Variants in COL18A1 observed in about 807,000 individuals in gnomAD.
COL18A1 encodes the protein collagen alpha-1(XVIII) chain.
COL18A1 carries 133 observed loss-of-function variants against 168.0 expected under a neutral mutation model. That is an observed-to-expected ratio of 0.79 (90% CI 0.69 to 0.91). COL18A1 has a LOEUF of 0.91. Among genes scored for constraint, COL18A1 ranks in the 40% least tolerant of loss-of-function variants. The pLI, the probability that COL18A1 is intolerant of heterozygous loss-of-function variation, is 0.00. For synonymous variants in COL18A1, 949 were observed against 809.0 expected, an observed-to-expected ratio of 1.17 and a Z score of -2.94; for missense variants, 2,126 against 1,925.4, an observed-to-expected ratio of 1.10 and a Z score of -1.95.
Position 45,511,175 on chromosome 21 carries a change from G to C in COL18A1, c.3758G>C (p.Gly1253Ala). ...FSGSEGPLKPGARIFSFDGKD... is the reference protein window; with the variant it reads ...FSGSEGPLKPAARIFSFDGKD... ...GGCTCTGAGGGTCCGCTGAAGCCCG[G>C]GGCACGCATCTTCTCCTTTGACGGC... The change falls in exon 41 of 42, where the codon GGG (glycine) becomes GCG (alanine). Residue 1253 changes from glycine to alanine, a missense_variant. Physicochemically the swap from Gly to Ala is moderately conservative, Grantham distance 60. Coordinates refer to ENST00000651438, the MANE Select transcript of COL18A1 (RefSeq NM_001379500.1). 6.2e-7 allele frequency: 1 copy of C among 1,601,662 alleles called. No individual in the cohort carries two copies. Among genetic ancestry groups the C allele is most frequent in the Non-Finnish European group, 8.5e-7 (1 of 1,174,166 alleles).
intron 2 of COL18A1, among the ~76,000 whole-genome samples, chr21:45,405,738 C>T (rs1206452046): frequency 7.3e-5 from 11 of 150,620 alleles, no homozygotes; most frequent in African/African-American, 2.7e-4. Context: ...ACCGAACCTC[C>T]GCGGCCGGCG....
chr21:45,504,864 A>C (rs2146078253), intron 34 of COL18A1, among the ~76,000 whole-genome samples: 1 of 152,146 alleles, frequency 6.6e-6, no homozygotes, highest in East Asian at 1.9e-4. Flanking sequence ...TCAGTCCTGA[A>C]AGACTCCAGA....
chr21:45,480,866 C>G lies in COL18A1; in HGVS notation c.1611+8C>G, dbSNP rs753583538. 3.1e-6 allele frequency: 5 copies of G among 1,608,912 alleles called. No individual in the cohort carries two copies. Reference sequence around the variant, plus strand: ...GGGTTTCCTGGCCTCCCGGTAAGTCCTGCCTCCACCGTCAGTGTCGGGAGC... The same window carrying G: ...GGGTTTCCTGGCCTCCCGGTAAGTCGTGCCTCCACCGTCAGTGTCGGGAGC... On this transcript the variant is annotated splice_region_variant and intron_variant, in intron 13 of 41. Coordinates refer to ENST00000651438, the MANE Select transcript of COL18A1 (RefSeq NM_001379500.1).
chr21:45,414,525 C>T lies in COL18A1; in HGVS notation c.106+9052C>T, dbSNP rs543624014. Among the ~76,000 whole-genome samples, 38 of 152,308 alleles carry T rather than the reference C, an allele frequency of 2.5e-4. No homozygotes were observed. In the South Asian group the frequency reaches 7.9e-3, roughly 32 times the overall value. ...TCCTGTCATCACAGGGGACGTCTGG[C>T]ATTTTAACAGACCTGGGCGGCCTCC... On this transcript the variant is annotated intron_variant, in intron 2 of 41. Coordinates refer to ENST00000651438, the MANE Select transcript of COL18A1 (RefSeq NM_001379500.1).
intron 12 of COL18A1, 61 bp from the exon 13 acceptor site, chr21:45,480,639 T>C: frequency 6.2e-7 from 1 of 1,611,010 alleles, no homozygotes. Flanking sequence ...GTTCTGGGGG[T>C]GGTGGTCATC....
chr21:45,477,118 C>T (rs2035703603), intron 6 of COL18A1, among the ~76,000 whole-genome samples: 1 of 152,154 alleles, frequency 6.6e-6, no homozygotes. Context: ...AGAAGGCATT[C>T]TGGGGGGCCA....
At chr21:45,414,069 C>T (rs924199608) in intron 2 of COL18A1, among the ~76,000 whole-genome samples, 4 of 152,172 alleles carry the variant, frequency 2.6e-5, no homozygotes, top group African/African-American at 4.8e-5. Context: ...GGAGGAGGAT[C>T]GGGAGGAGGA....
At chr21:45,431,782 C>T (rs538302299) in intron 2 of COL18A1, among the ~76,000 whole-genome samples, 6 of 152,212 alleles carry the variant, frequency 3.9e-5, no homozygotes, top group South Asian at 4.1e-4. Context: ...CAGGCCGTCG[C>T]GGACGGTCTA....
At chr21:45,506,221 C>A in intron 37 of COL18A1, 1 of 521,548 alleles carries the variant, frequency 1.9e-6, no homozygotes, top group East Asian at 3.5e-5. Context: ...TGGGTCATGT[C>A]ACAGTGAACG....
intron 2 of COL18A1, among the ~76,000 whole-genome samples, chr21:45,436,150 A>G (rs1023468120): frequency 2.6e-5 from 4 of 152,182 alleles, no homozygotes; most frequent in African/African-American, 7.2e-5. Flanking sequence ...TTGAAACCCT[A>G]CCTACAGGGC....
intron 32 of COL18A1, among the ~76,000 whole-genome samples, chr21:45,501,325 G>C (rs936798785): frequency 6.6e-6 from 1 of 152,048 alleles, no homozygotes; most frequent in Admixed American, 6.5e-5. Context: ...TCAGCCCAGG[G>C]AGATCTGAAC....
chr21:45,455,678 G>C, intron 2 of COL18A1: 1 of 1,613,864 alleles, frequency 6.2e-7, no homozygotes, highest in Non-Finnish European at 8.5e-7. Context: ...TGAGCCCCAG[G>C]GGCCCCTGCC....
intron 2 of COL18A1, among the ~76,000 whole-genome samples, chr21:45,459,054 TC>T (rs1332348812): frequency 6.6e-6 from 1 of 152,192 alleles, no homozygotes; most frequent in African/African-American, 2.4e-5. Flanking sequence ...GGAGGCCGTG[TC>T]CCGTGCAGGG....
chr21:45,504,581 A>T (rs902800431), intron 34 of COL18A1, 25 bp downstream of exon 34: 2 of 1,556,952 alleles, frequency 1.3e-6, no homozygotes, highest in Non-Finnish European at 1.7e-6. Context: ...GTGCAGGCAG[A>T]GCCCATGTCC....
At chr21:45,496,248 G>A (rs1402409602) in intron 29 of COL18A1, 1 of 689,806 alleles carries the variant, frequency 1.4e-6, no homozygotes, top group Non-Finnish European at 2.7e-6. Context: ...CTGAGACGCA[G>A]ACCCGGTGGC....
intron 2 of COL18A1, among the ~76,000 whole-genome samples, chr21:45,429,382 T>C (rs1231073474): frequency 6.6e-6 from 1 of 151,880 alleles, no homozygotes; most frequent in African/African-American, 2.4e-5. Context: ...CTGTCAGCGA[T>C]GGCTGCTGCA....
chr21:45,421,863 C>A (rs2033634511), intron 2 of COL18A1, among the ~76,000 whole-genome samples: 1 of 152,180 alleles, frequency 6.6e-6, no homozygotes, highest in African/African-American at 2.4e-5. Context: ...AGTTGCACCC[C>A]TCTGGAATTC....
intron 2 of COL18A1, among the ~76,000 whole-genome samples, chr21:45,460,782 T>C (rs571394319): frequency 3.9e-5 from 6 of 152,384 alleles, no homozygotes; most frequent in Admixed American, 3.3e-4. Flanking sequence ...TTTTCGATGA[T>C]GCTGGCTAAG....
chr21:45,468,901 G>T (rs1433916620), intron 3 of COL18A1, 115 bp downstream of exon 3: 1 of 1,143,612 alleles, frequency 8.7e-7, no homozygotes, highest in Non-Finnish European at 1.2e-6. Flanking sequence ...CCCCACCCCA[G>T]CTGTGGTCAG....
Sources: allele counts gnomAD v4.1 joint callset (sites outside exome capture counted in the v4.1 genomes callset), GRCh38; gene constraint gnomAD v4.1.1; transcripts MANE v1.5; gene names NCBI Gene and HGNC (gene_info 2026-07-23, HGNC 2026-07-21).